ATP2B3: variants seen among roughly 807,000 people sequenced by gnomAD.
ATP2B3 encodes plasma membrane calcium-transporting ATPase 3.
Under a neutral mutation model 70.8 loss-of-function variants are expected in ATP2B3, and 12 were observed. The ratio of observed to expected loss-of-function variants is 0.17; its 90% CI spans 0.11 to 0.27. The LOEUF is 0.27. Among genes scored for constraint, ATP2B3 ranks in the 10% least tolerant of loss-of-function variants. ATP2B3 has a pLI of 1.00. For synonymous variants in ATP2B3, 460 were observed against 497.8 expected (o/e 0.92, Z 1.01); for missense variants, 858 against 1,118.5 (o/e 0.77, Z 3.32).
rs782730153 is a variant in ATP2B3 at position 153,579,834 on chromosome X, G to A, written c.3343-144G>A. Reference sequence around the variant, plus strand: ...CATGCCATGACCCCCAGCCATTGACGTGGGTGGAATTTACCAGCACCAGCC... The same window carrying A: ...CATGCCATGACCCCCAGCCATTGACATGGGTGGAATTTACCAGCACCAGCC... On this transcript the variant is annotated intron_variant, in intron 21 of 21. Coordinates refer to ENST00000263519, the MANE Select transcript of ATP2B3 (RefSeq NM_001001344.3). The A allele has an allele frequency of 8.9e-5, 45 of 507,303 alleles. No individual in the cohort carries two copies. In the South Asian group the frequency reaches 1.3e-3, roughly 15 times the overall value. 41.8% of individuals were successfully genotyped at this position (507,303 alleles called of 1,213,427 possible). A position where few individuals can be genotyped will look rare whatever the true frequency, so the allele number is the denominator to read the frequency against.
rs2090380897 is a variant in ATP2B3 at position 153,547,167 on chromosome X, G to A, written c.959-668G>A. ...GATTACTCTGGGCCGTGGAGTGGGT[G>A]CGGCCAGAGCTTGGCAGGGAGGGAG... On this transcript the variant is annotated intron_variant, in intron 8 of 21. Transcript: ENST00000263519. 4.5e-5 allele frequency among the ~76,000 whole-genome samples: 5 copies of A among 111,346 alleles called. No individual in the cohort carries two copies. The Admixed American group carries it at 4.7e-4, about 11-fold the overall frequency.
At chrX:153,557,275 GA>G (rs1231374977) in intron 16 of ATP2B3, among the ~76,000 whole-genome samples, 1 of 112,113 alleles carries the variant, frequency 8.9e-6, no homozygotes, top group African/African-American at 3.2e-5. Flanking sequence ...AGAGGAAGGG[GA>G]ATGGGGGGTG....
At chrX:153,521,460 A>G (rs2089958101) in intron 2 of ATP2B3, among the ~76,000 whole-genome samples, 1 of 113,025 alleles carries the variant, frequency 8.8e-6, no homozygotes, top group African/African-American at 3.2e-5. Flanking sequence ...GACTTGAATC[A>G]GAGCAACAAG....
rs375855854 is a variant in ATP2B3, at chrX:153,544,742, C to A, written c.917-1346C>A. 6.4e-4 allele frequency among the ~76,000 whole-genome samples: 72 copies of A among 112,570 alleles called. 1 individual carries two copies. Among genetic ancestry groups the A allele is most frequent in the African/African-American group, 2.2e-3 (69 of 31,051 alleles). On this transcript the variant is annotated intron_variant, in intron 7 of 21. Transcript: ENST00000263519. ...ATTTCTTGTCTCTTGACCTTGACTC[C>A]TATGCACCTTTCTCCAAGTGTGCTT...
In ATP2B3 at chrX:153,559,936, T is replaced by A; in HGVS notation, c.2833T>A (p.Phe945Ile). The change falls in exon 18 of 22, where the codon TTT becomes ATT. Residue 945 changes from phenylalanine (F) to isoleucine (I), a missense_variant. Phe to Ile is a conservative substitution (Grantham distance 21, BLOSUM62 0). Coordinates refer to ENST00000263519, the MANE Select transcript of ATP2B3 (RefSeq NM_001001344.3). The part of the protein sequence containing the change: ...YQLAIIFTLL[F>I]VGELFFDIDS... Reference sequence around the variant, plus strand: ...GCTCGCCATCATCTTCACCCTGCTGTTTGTCGGTAGGCTGGCCAGGGGCAC... The same window carrying A: ...GCTCGCCATCATCTTCACCCTGCTGATTGTCGGTAGGCTGGCCAGGGGCAC... 1 of 1,209,455 alleles carries A rather than the reference T, an allele frequency of 8.3e-7. No individual in the cohort carries two copies.
At chrX:153,568,038 T>C (rs1421921061) in intron 21 of ATP2B3, among the ~76,000 whole-genome samples, 5 of 111,981 alleles carry the variant, frequency 4.5e-5, no homozygotes, top group Non-Finnish European at 7.5e-5. Context: ...TTCTGCTTTT[T>C]GGGAACCACA....
intron 2 of ATP2B3, among the ~76,000 whole-genome samples, chrX:153,524,655 G>A (rs1458265582): frequency 2.7e-5 from 3 of 111,640 alleles, no homozygotes; most frequent in Non-Finnish European, 3.8e-5. Flanking sequence ...TCATTTGCAC[G>A]CACTGACACT....
At chrX:153,539,430 C>T (rs1303197860) in intron 3 of ATP2B3, among the ~76,000 whole-genome samples, 2 of 112,681 alleles carry the variant, frequency 1.8e-5, no homozygotes, top group Non-Finnish European at 3.8e-5. Context: ...CACGGTTGTG[C>T]GGGCGGCAGC....
intron 20 of ATP2B3, among the ~76,000 whole-genome samples, chrX:153,562,514 C>G (rs1557016736): frequency 1.8e-5 from 2 of 112,371 alleles, no homozygotes; most frequent in African/African-American, 6.5e-5. Flanking sequence ...TTGCCCCTTC[C>G]AATTGGGTGG....
chrX:153,530,175 T>TGGGC (rs2090094752), intron 2 of ATP2B3, among the ~76,000 whole-genome samples: 1 of 112,579 alleles, frequency 8.9e-6, no homozygotes, highest in Non-Finnish European at 1.9e-5. Flanking sequence ...ATGAGAATTC[T>TGGGC]GGGCCAGCCC....
chrX:153,572,242 C>G (rs1326711456), intron 21 of ATP2B3, among the ~76,000 whole-genome samples: 1 of 112,703 alleles, frequency 8.9e-6, no homozygotes, highest in Non-Finnish European at 1.9e-5. Context: ...AGAGGGCTGC[C>G]CCAACTAGGC....
Position 153,553,184 on chromosome X carries a change from A to T in ATP2B3, c.1973A>T (p.Glu658Val). Residue 658 changes from glutamate to valine, a missense_variant, in exon 13 of 22, where the codon GAG becomes GTG. Transcript: ENST00000263519. Reference protein sequence around the residue: ...IAYRDFSAGQEPDWDNENEVV... With the variant: ...IAYRDFSAGQVPDWDNENEVV... Reference sequence around the variant, plus strand: ...TACCGGGACTTCTCTGCAGGCCAGGAGCCCGACTGGGACAACGAGAATGAG... The same window carrying T: ...TACCGGGACTTCTCTGCAGGCCAGGTGCCCGACTGGGACAACGAGAATGAG... 8.3e-7 allele frequency: 1 copy of T among 1,211,701 alleles called. No homozygotes were observed. The highest frequency in any genetic ancestry group is 3.0e-5 in the East Asian group (1 of 33,845).
intron 21 of ATP2B3, among the ~76,000 whole-genome samples, chrX:153,566,667 C>T (rs894649129): frequency 2.7e-5 from 3 of 110,076 alleles, no homozygotes; most frequent in South Asian, 8.1e-4. Flanking sequence ...ATGAAGTCTA[C>T]GCTCCTGACC....
intron 19 of ATP2B3, among the ~76,000 whole-genome samples, chrX:153,561,743 G>A (rs781960643): frequency 8.0e-5 from 9 of 112,832 alleles, no homozygotes; most frequent in Non-Finnish European, 1.1e-4. Context: ...GTTTGCATTT[G>A]GACAGCTTGC....
At chrX:153,527,199 G>A (rs1432023958) in intron 2 of ATP2B3, among the ~76,000 whole-genome samples, 1 of 112,835 alleles carries the variant, frequency 8.9e-6, no homozygotes, top group Non-Finnish European at 1.9e-5. Context: ...GGCCGACTTG[G>A]GGCACCTCTC....
chrX:153,546,250 G>A (rs1557008688), intron 8 of ATP2B3, 121 bp downstream of exon 8: 1 of 884,844 alleles, frequency 1.1e-6, no homozygotes, highest in Non-Finnish European at 1.6e-6. Context: ...TGGAGACCAG[G>A]TGAGTGGGCT....
intron 2 of ATP2B3, among the ~76,000 whole-genome samples, chrX:153,522,523 G>A: frequency 9.0e-6 from 1 of 111,713 alleles, no homozygotes; most frequent in Non-Finnish European, 1.9e-5. Context: ...ACAGTGCAGA[G>A]ACTCCGGGAT....
At position 153,550,132 on chromosome X, in the gene ATP2B3, G is replaced by A. The variant is rs373429243; in HGVS notation, c.1669G>A (p.Asp557Asn). Reference sequence around the variant, plus strand: ...GGGCTTCGTCTTGGACCTGAAGCGGGACTTCCAGCCCGTGCGCGAGCAGAT... The same window carrying A: ...GGGCTTCGTCTTGGACCTGAAGCGGAACTTCCAGCCCGTGCGCGAGCAGAT... ...LLGFVLDLKR[D>N]FQPVREQIPE... The change falls in exon 12 of 22, where the codon GAC (aspartate) becomes AAC (asparagine). Residue 557 changes from aspartate (D) to asparagine (N), a missense_variant. Physicochemically the swap from Asp to Asn is conservative, Grantham distance 23. This residue lies in a region of ATP2B3 where 242 missense variants were observed against 281.3 expected (regional missense o/e 0.86). Transcript: ENST00000263519. The A allele has an allele frequency of 3.3e-6, 4 of 1,211,515 alleles. No homozygotes were observed. The African/African-American group carries it at 6.9e-5, about 21-fold the overall frequency.
intron 21 of ATP2B3, among the ~76,000 whole-genome samples, chrX:153,571,222 AC>A (rs1227636697): frequency 1.2e-4 from 14 of 112,476 alleles, no homozygotes; most frequent in Admixed American, 7.4e-4. Flanking sequence ...AGAGAGGCGG[AC>A]AGGAGGCTCT....
Sources: gnomAD v4.1 joint callset for allele counts (sites outside exome capture counted in the v4.1 genomes callset) on GRCh38, gnomAD v4.1.1 for gene constraint, gnomAD v4.1.1 regional missense constraint, MANE v1.5 for transcripts, NCBI Gene and HGNC (gene_info 2026-07-23, HGNC 2026-07-21) for gene names.